PRKN: variants seen among roughly 807,000 people sequenced by gnomAD.
PRKN encodes E3 ubiquitin-protein ligase parkin.
In PRKN, 56 loss-of-function variants were observed where a neutral mutation model predicts 59.5. The observed-to-expected ratio is 0.94, with a 90% CI of 0.76 to 1.18. PRKN has a LOEUF of 1.18. PRKN is among the 50% of genes most tolerant of loss of function. PRKN has a pLI of 0.00. For missense variants in PRKN, 657 were observed against 596.4 expected (o/e 1.10, Z -1.06); for synonymous variants, 250 against 222.1 (o/e 1.13, Z -1.12).
intron 3 of PRKN, among the ~76,000 whole-genome samples, chr6:162,204,857 T>A (rs1227172329): frequency 6.6e-6 from 1 of 151,856 alleles, no homozygotes; most frequent in African/African-American, 2.4e-5. Flanking sequence ...TCTTCTTCTT[T>A]TTTTTTTTTC....
At chr6:161,834,924 T>C (rs1792681842) in intron 6 of PRKN, among the ~76,000 whole-genome samples, 1 of 152,068 alleles carries the variant, frequency 6.6e-6, no homozygotes, top group Admixed American at 6.5e-5. Flanking sequence ...TGACTGAACA[T>C]GTAGCAAATA....
intron 9 of PRKN, among the ~76,000 whole-genome samples, chr6:161,535,437 A>G (rs1779377337): frequency 6.6e-6 from 1 of 152,226 alleles, no homozygotes; most frequent in Non-Finnish European, 1.5e-5. Flanking sequence ...GACTGCACAC[A>G]AGTGAATGGT....
intron 7 of PRKN, among the ~76,000 whole-genome samples, chr6:161,615,127 C>G (rs1782643994): frequency 6.6e-6 from 1 of 152,084 alleles, no homozygotes; most frequent in South Asian, 2.1e-4. Flanking sequence ...ATAGCAAAAA[C>G]TGTAATTTCT....
intron 4 of PRKN, among the ~76,000 whole-genome samples, chr6:162,103,771 G>A (rs912093573): frequency 7.2e-5 from 11 of 152,168 alleles, no homozygotes; most frequent in Admixed American, 3.3e-4. Flanking sequence ...AGCCTCAGAC[G>A]GCAGATGAGA....
At chr6:162,503,386 A>G (rs953400280) in intron 1 of PRKN, among the ~76,000 whole-genome samples, 1 of 151,024 alleles carries the variant, frequency 6.6e-6, no homozygotes, top group Non-Finnish European at 1.5e-5. Context: ...CTGGTCATCA[A>G]CCCCCGACCT....
At position 161,458,276 on chromosome 6, in the gene PRKN, G is replaced by A. The variant is rs187261064; in HGVS notation, c.1084-71399C>T. ...AAACGTGTTGTCATTCTTTAATCATGATCATTATTGGAGAATATGATTGAA... is the reference window on the plus strand; with the variant it reads ...AAACGTGTTGTCATTCTTTAATCATAATCATTATTGGAGAATATGATTGAA... On this transcript the variant is annotated intron_variant, in intron 9 of 11. Coordinates refer to ENST00000366898, the MANE Select transcript of PRKN (RefSeq NM_004562.3). The surrounding 1 kb of genome is among the most constrained non-coding windows in gnomAD (Gnocchi z 6.1). 5.5e-3 allele frequency among the ~76,000 whole-genome samples: 839 copies of A among 152,182 alleles called. 10 individuals are homozygous for A. The highest frequency in any genetic ancestry group is 0.02 in the African/African-American group (812 of 41,538).
At chr6:162,247,746 CAT>C (rs1419666839) in intron 3 of PRKN, among the ~76,000 whole-genome samples, 1 of 152,126 alleles carries the variant, frequency 6.6e-6, no homozygotes, top group African/African-American at 2.4e-5. Context: ...TTGATTCTAG[CAT>C]AGTGTTAGAA....
intron 2 of PRKN, among the ~76,000 whole-genome samples, chr6:162,410,020 G>T (rs1788272635): frequency 6.6e-6 from 1 of 152,106 alleles, no homozygotes; most frequent in South Asian, 2.1e-4. Context: ...ACTCAGCATG[G>T]CTAACAAAAT....
intron 2 of PRKN, among the ~76,000 whole-genome samples, chr6:162,386,170 G>A (rs1488573487): frequency 1.3e-5 from 2 of 152,118 alleles, no homozygotes; most frequent in Non-Finnish European, 1.5e-5. Flanking sequence ...AGTTAATGAC[G>A]ATGTATTGTG....
At chr6:162,453,647 A>G (rs924473848) in intron 1 of PRKN, among the ~76,000 whole-genome samples, 4 of 152,196 alleles carry the variant, frequency 2.6e-5, no homozygotes, top group Non-Finnish European at 5.9e-5. Context: ...TCACACCTGT[A>G]ATCCCAGAAG....
chr6:161,824,635 A>G (rs1792165870), intron 6 of PRKN, among the ~76,000 whole-genome samples: 1 of 152,228 alleles, frequency 6.6e-6, no homozygotes, highest in South Asian at 2.1e-4. Context: ...ACATCCTAAC[A>G]AAATGCCTGC....
chr6:162,458,162 G>C (rs1255984179), intron 1 of PRKN, among the ~76,000 whole-genome samples: 1 of 131,528 alleles, frequency 7.6e-6, no homozygotes, highest in East Asian at 1.9e-4. Context: ...GGCTGAGACA[G>C]GGAGAATTGC....
At chr6:161,671,386 C>T (rs753940975) in intron 7 of PRKN, among the ~76,000 whole-genome samples, 8 of 152,152 alleles carry the variant, frequency 5.3e-5, no homozygotes, top group Non-Finnish European at 1.0e-4. Flanking sequence ...CCACTGCAAC[C>T]GGCTGCATTG....
At chr6:161,921,857 G>A (rs906705202) in intron 6 of PRKN, among the ~76,000 whole-genome samples, 2 of 152,212 alleles carry the variant, frequency 1.3e-5, no homozygotes, top group African/African-American at 2.4e-5. Flanking sequence ...AACACAAGTA[G>A]CACAGGATAG....
chr6:162,328,926 A>G (rs1783437744), intron 2 of PRKN, among the ~76,000 whole-genome samples: 1 of 152,150 alleles, frequency 6.6e-6, no homozygotes. Flanking sequence ...AGTTCATTCC[A>G]TGTTCTAAAC....
Position 161,379,632 on chromosome 6 carries a change from C to A in PRKN, c.1167+7162G>T, listed in dbSNP as rs1354477288. 6.6e-6 allele frequency among the ~76,000 whole-genome samples: 1 copy of A among 152,196 alleles called. No homozygotes were observed. The highest frequency in any genetic ancestry group is 1.5e-5 in the Non-Finnish European group (1 of 68,040). The stretch of plus-strand genomic sequence containing the variant: ...GCTGCTTCACCCAAAGCCTTTCTTC[C>A]TTCTGCGGGAAGCCCACATCGAAAA... On this transcript the variant is annotated intron_variant, in intron 10 of 11. Coordinates refer to ENST00000366898, the MANE Select transcript of PRKN (RefSeq NM_004562.3). The surrounding 1 kb of genome is among the most constrained non-coding windows in gnomAD (Gnocchi z 4.9).
intron 5 of PRKN, among the ~76,000 whole-genome samples, chr6:162,050,384 T>C (rs751089298): frequency 2.0e-5 from 3 of 152,200 alleles, no homozygotes; most frequent in Non-Finnish European, 2.9e-5. Context: ...CATTTCCATT[T>C]CTTTTCATTT....
intron 1 of PRKN, among the ~76,000 whole-genome samples, chr6:162,478,963 T>C (rs1448572383): frequency 1.3e-5 from 2 of 152,164 alleles, no homozygotes; most frequent in East Asian, 3.9e-4. Flanking sequence ...ACCTAGGACA[T>C]GACTGTCCAT....
intron 5 of PRKN, among the ~76,000 whole-genome samples, chr6:161,983,989 T>A (rs1429657445): frequency 6.6e-6 from 1 of 152,164 alleles, no homozygotes; most frequent in Non-Finnish European, 1.5e-5. Context: ...ACTAATATTC[T>A]CTTTCCCAGC....
Sources: allele counts gnomAD v4.1 joint callset (sites outside exome capture counted in the v4.1 genomes callset), GRCh38; gene constraint gnomAD v4.1.1; non-coding constraint Gnocchi (gnomAD v3.1); transcripts MANE v1.5; gene names NCBI Gene and HGNC (gene_info 2026-07-23, HGNC 2026-07-21).